The following NAA15 variants were observed in gnomAD, a reference collection of about 807,000 sequenced individuals.
The protein encoded by NAA15 is N-terminal acetyltransferase.
In NAA15, 34 loss-of-function variants were observed where a neutral mutation model predicts 114.0. The observed-to-expected ratio is 0.30, with a 90% CI of 0.23 to 0.40. NAA15 has a LOEUF of 0.40. NAA15 is among the 10% of genes least tolerant of loss of function. NAA15 has a pLI of 1.00. For synonymous variants in NAA15, 340 were observed against 338.0 expected, an observed-to-expected ratio of 1.01 and a Z score of -0.06; for missense variants, 658 against 1,004.5, an observed-to-expected ratio of 0.66 and a Z score of 4.66.
At chr4:139,362,570 C>T (rs746753186) in intron 14 of NAA15, among the ~76,000 whole-genome samples, 2 of 152,164 alleles carry the variant, frequency 1.3e-5, no homozygotes, top group African/African-American at 4.8e-5. Flanking sequence ...GCTGGGATTA[C>T]AGGCATGAGC....
chr4:139,345,262 A>G (rs1318810280), intron 6 of NAA15, among the ~76,000 whole-genome samples: 1 of 152,168 alleles, frequency 6.6e-6, no homozygotes, highest in Non-Finnish European at 1.5e-5. Context: ...ATCCAAGACA[A>G]CCTTCTTTCA....
At chr4:139,352,349 T>A (rs1242018705) in intron 9 of NAA15, among the ~76,000 whole-genome samples, 1 of 152,040 alleles carries the variant, frequency 6.6e-6, no homozygotes, top group Non-Finnish European at 1.5e-5. Flanking sequence ...CCTCAAATGA[T>A]CCGCCCACCT....
In NAA15 at chr4:139,388,772, A is replaced by C. The variant is rs1335883831; in HGVS notation, c.*688A>C. The C allele has an allele frequency of 6.5e-6, 1 of 152,674 alleles. No individual in the cohort carries two copies. Among genetic ancestry groups the C allele is most frequent in the Non-Finnish European group, 1.5e-5 (1 of 68,044 alleles). The allele number at this position is 152,674 out of a possible 1,614,324, so 9.5% of individuals were successfully genotyped here. ...TTTAACTGAAGGAACCAGTTGTAAC[A>C]GTCTCAATTTTAACTAAAACTTGAA... On this transcript the variant is annotated 3_prime_UTR_variant, in exon 20 of 20. Coordinates refer to ENST00000296543, the MANE Select transcript of NAA15 (RefSeq NM_057175.5).
rs776969102 is a variant in NAA15, at chr4:139,357,379, T to A, written c.1088-7T>A. ...TCATCTTGGTTTCTTCTCCCTCTTC[T>A]CCTAAGATGATGGAAAGGAGGAACC... On this transcript the variant is annotated splice_polypyrimidine_tract_variant and splice_region_variant and intron_variant, in intron 10 of 19. Coordinates refer to ENST00000296543, the MANE Select transcript of NAA15 (RefSeq NM_057175.5). 3 of 1,613,126 alleles carry A rather than the reference T, an allele frequency of 1.9e-6. No individual in the cohort carries two copies. The South Asian group carries it at 3.3e-5, about 18-fold the overall frequency.
At position 139,349,450 on chromosome 4, in the gene NAA15, G is replaced by A; in HGVS notation, c.692-12G>A. The A allele has an allele frequency of 6.5e-7, 1 of 1,531,924 alleles. No homozygotes were observed. Among genetic ancestry groups the A allele is most frequent in the Non-Finnish European group, 8.7e-7 (1 of 1,144,308 alleles). 94.9% of individuals were successfully genotyped at this position (1,531,924 alleles called of 1,614,324 possible). ...AGATATTAAAATTTTTTTTTTTTCT[G>A]TTTTTAATCAGGGGAACTTCTGTTG... On this transcript the variant is annotated splice_polypyrimidine_tract_variant and intron_variant, in intron 6 of 19. Transcript: ENST00000296543.
At chr4:139,373,485 G>T (rs993067016) in intron 15 of NAA15, among the ~76,000 whole-genome samples, 1 of 152,112 alleles carries the variant, frequency 6.6e-6, no homozygotes, top group African/African-American at 2.4e-5. Context: ...TAATAAATTA[G>T]CAGTAATTCC....
chr4:139,332,582 T>G (rs1227891788), intron 1 of NAA15, among the ~76,000 whole-genome samples: 6 of 120,854 alleles, frequency 5.0e-5, no homozygotes, highest in East Asian at 2.3e-4. Context: ...GTTTTTTTTT[T>G]TTTTTTTTTT....
intron 3 of NAA15, among the ~76,000 whole-genome samples, chr4:139,338,666 T>G (rs1253971692): frequency 6.6e-6 from 1 of 152,216 alleles, no homozygotes. Context: ...CAGGCTGGTG[T>G]CAAACTCCTG....
chr4:139,374,674 T>G (rs930333658), intron 15 of NAA15, among the ~76,000 whole-genome samples: 60 of 152,352 alleles, frequency 3.9e-4, no homozygotes, highest in African/African-American at 1.4e-3. Flanking sequence ...AACCTTGTTC[T>G]GCACGATGTA....
At chr4:139,363,636 A>G (rs1354999247) in intron 14 of NAA15, among the ~76,000 whole-genome samples, 1 of 152,230 alleles carries the variant, frequency 6.6e-6, no homozygotes, top group Non-Finnish European at 1.5e-5. Flanking sequence ...ATAGTACTAT[A>G]GTAAATGTCC....
At chr4:139,372,658 G>A (rs1016261012) in intron 15 of NAA15, among the ~76,000 whole-genome samples, 1 of 152,088 alleles carries the variant, frequency 6.6e-6, no homozygotes. Flanking sequence ...ATTAGGAGTG[G>A]CTTTGTAGGT....
At chr4:139,386,778 T>C (rs1748919821) in intron 19 of NAA15, among the ~76,000 whole-genome samples, 1 of 152,054 alleles carries the variant, frequency 6.6e-6, no homozygotes, top group African/African-American at 2.4e-5. Context: ...GCTGTGATTG[T>C]GACGCTGTAC....
chr4:139,326,143 G>GT lies in NAA15; in HGVS notation c.55-8024dup, dbSNP rs547465383. On this transcript the variant is annotated intron_variant, in intron 1 of 19. Coordinates refer to ENST00000296543, the MANE Select transcript of NAA15 (RefSeq NM_057175.5). ...CCATTACTTGTGTTAGCAGTTTTAT[G>GT]TTTTTTTGTAAAATGTTTTAGGCAC... 2.7e-3 allele frequency among the ~76,000 whole-genome samples: 418 copies of GT among 152,144 alleles called. 3 individuals carry two copies. The highest frequency in any genetic ancestry group is 4.7e-3 in the African/African-American group (196 of 41,492).
At chr4:139,367,430 C>CT (rs1748313246) in intron 14 of NAA15, among the ~76,000 whole-genome samples, 2 of 152,182 alleles carry the variant, frequency 1.3e-5, no homozygotes, top group African/African-American at 4.8e-5. Context: ...CTAAAGACCT[C>CT]TTTTCATTTT....
intron 18 of NAA15, 72 bp downstream of exon 18, chr4:139,385,050 G>A: frequency 1.6e-6 from 2 of 1,256,894 alleles, no homozygotes; most frequent in Admixed American, 2.8e-5. Context: ...AATAATATAA[G>A]GTACATGTTT....
At chr4:139,364,110 A>T (rs545402117) in intron 14 of NAA15, among the ~76,000 whole-genome samples, 229 of 152,304 alleles carry the variant, frequency 1.5e-3, no homozygotes, top group Non-Finnish European at 1.5e-3. Context: ...CCCTTGGCTC[A>T]AGTGATTCTC....
chr4:139,316,888 T>C (rs557609054), intron 1 of NAA15, among the ~76,000 whole-genome samples: 1 of 150,510 alleles, frequency 6.6e-6, no homozygotes, highest in Admixed American at 6.6e-5. Flanking sequence ...AGGCCATCTA[T>C]GCTCTGGTCA....
chr4:139,357,548 T>C lies in NAA15; in HGVS notation c.1250T>C (p.Ile417Thr), dbSNP rs1291159661. ...LIELFLVKAKIYKHAGNIKEA... is the reference protein window; with the variant it reads ...LIELFLVKAKTYKHAGNIKEA... ...GAACTCTTTCTCGTGAAAGCTAAAA[T>C]CTATAAGGTAAAAATCTTTTTTTCT... Residue 417 changes from isoleucine to threonine, a missense_variant, in exon 11 of 20, where the codon ATC becomes ACC. Ile to Thr is a moderately conservative substitution (Grantham distance 89). Around this residue, in one of 6 missense-constraint regions of NAA15, gnomAD observed 281 missense variants for 389.1 expected, o/e 0.72. Transcript: ENST00000296543. 2.5e-6 allele frequency: 4 copies of C among 1,594,358 alleles called. No homozygotes were observed. The Admixed American group carries it at 6.9e-5, about 27-fold the overall frequency.
At chr4:139,325,661 T>C (rs1746775394) in intron 1 of NAA15, among the ~76,000 whole-genome samples, 1 of 152,216 alleles carries the variant, frequency 6.6e-6, no homozygotes, top group South Asian at 2.1e-4. Flanking sequence ...TTTATTTATT[T>C]TTTAAGAGAC....
Sources: allele counts gnomAD v4.1 joint callset (sites outside exome capture counted in the v4.1 genomes callset), GRCh38; gene constraint gnomAD v4.1.1; regional missense constraint gnomAD v4.1.1; transcripts MANE v1.5; gene names NCBI Gene and HGNC (gene_info 2026-07-23, HGNC 2026-07-21).